Variants in NOL3 observed in about 807,000 individuals in gnomAD.
NOL3 encodes muscle-enriched cytoplasmic protein.
Under a neutral mutation model 19.2 loss-of-function variants are expected in NOL3, and 18 were observed. The observed-to-expected ratio is 0.94, with a 90% CI of 0.65 to 1.39. The LOEUF is 1.39. Among genes scored for constraint, NOL3 ranks in the 40% most tolerant of loss-of-function variants. The pLI is 0.00. For synonymous variants in NOL3, 127 were observed against 137.3 expected, an observed-to-expected ratio of 0.93 and a Z score of 0.52; for missense variants, 290 against 289.5, an observed-to-expected ratio of 1.00 and a Z score of -0.01.
chr16:67,175,478 C>A, exon 4 of NOL3: 1 of 402,578 alleles, frequency 2.5e-6, no homozygotes, highest in Non-Finnish European at 3.5e-6. Context: ...CTGAGCTGAA[C>A]ATGGAGCAAG....
intron 1 of NOL3, among the ~76,000 whole-genome samples, chr16:67,172,608 CAAAA>C (rs5817617): frequency 8.3e-6 from 1 of 120,192 alleles, no homozygotes. Context: ...GAGACTCTGT[CAAAA>C]AAAAAAAAAA....
At chr16:67,174,026 C>G in intron 1 of NOL3, 136 bp from the exon 2 acceptor site, 1 of 1,548,200 alleles carries the variant, frequency 6.5e-7, no homozygotes, top group Non-Finnish European at 8.7e-7. Context: ...CTTGCGGAGC[C>G]GTCCGGCGGC....
exon 4 of NOL3, chr16:67,175,328 C>G: frequency 7.5e-7 from 1 of 1,341,428 alleles, no homozygotes; most frequent in Non-Finnish European, 9.5e-7. Flanking sequence ...CCTTAGGAGT[C>G]CAGGCTGCAC....
Position 67,172,626 on chromosome 16 carries a change from A to G in NOL3, c.-8-1536A>G, listed in dbSNP as rs1567673586. The G allele has an allele frequency of 2.1e-5, 3 of 142,606 alleles. No individual in the cohort carries two copies. The South Asian group carries it at 6.7e-4, about 32-fold the overall frequency. 8.8% of individuals were successfully genotyped at this position (142,606 alleles called of 1,614,324 possible). On this transcript the variant is annotated intron_variant, in intron 1 of 3. Coordinates refer to ENST00000268605, the Ensembl canonical transcript of NOL3. ...ACTCTGTCAAAAAAAAAAAAAAAAA[A>G]TGGATAAAGCAGATTGACTCTCCCT...
At chr16:67,175,461 C>A in exon 4 of NOL3, 1 of 558,070 alleles carries the variant, frequency 1.8e-6, no homozygotes, top group Non-Finnish European at 2.4e-6. Context: ...CAACCCCACG[C>A]AAGTTCCTGA....
chr16:67,174,186 A>T, exon 2 of NOL3: 1 of 1,610,720 alleles, frequency 6.2e-7, no homozygotes. Flanking sequence ...AACGCGCAGG[A>T]GCGGCCGTCA....
At chr16:67,174,065 C>T (rs1197446414) in intron 1 of NOL3, 97 bp from the exon 2 acceptor site, 1 of 1,577,934 alleles carries the variant, frequency 6.3e-7, no homozygotes. Context: ...AAACCCCAGC[C>T]TGGGTGTTCA....
Position 67,175,021 on chromosome 16 carries a change from T to C in NOL3, c.620-26T>C, listed in dbSNP as rs201498999. 2.3e-3 allele frequency: 3,740 copies of C among 1,613,812 alleles called. 12 individuals are homozygous for C. The highest frequency in any genetic ancestry group is 4.3e-3 in the Middle Eastern group (26 of 6,058). ...GAAGCGGATGCCGGACCCCACCTCT[T>C]TGACCACTGTTCCCGTCATCTCTAG... is the stretch of plus-strand genomic sequence containing the variant. On this transcript the variant is annotated intron_variant, in intron 3 of 3. Transcript: ENST00000268605.
rs1411614258 is a variant in NOL3 at position 67,170,961 on chromosome 16, AAT to A, written c.-9+389_-9+390del. Among the ~76,000 whole-genome samples, 2 of 152,252 alleles carry A rather than the reference AAT, an allele frequency of 1.3e-5. No individual in the cohort carries two copies. Among genetic ancestry groups the A allele is most frequent in the African/African-American group, 2.4e-5 (1 of 41,476 alleles). ...GTCACCCTCGAAGGACTGGCCGCTAAATAACTTCGGTATTGAGAGCTGTGTGA... is the reference window on the plus strand; with the variant it reads ...GTCACCCTCGAAGGACTGGCCGCTAAAACTTCGGTATTGAGAGCTGTGTGA... On this transcript the variant is annotated intron_variant, in intron 1 of 3. Transcript: ENST00000268605. This position sits in a 1 kb window ranked among gnomAD's most constrained non-coding sequence, Gnocchi z 5.7.
In NOL3 at chr16:67,173,896, G is replaced by A. The variant is rs762701701; in HGVS notation, c.-8-266G>A. 7.8e-6 allele frequency: 12 copies of A among 1,535,844 alleles called. No individual in the cohort carries two copies. The South Asian group carries it at 8.3e-5, about 11-fold the overall frequency. ...GCCAGTCCTGGGAAAGGCAGGGGAG[G>A]AGAGGAGAGCCACGGCTGACGCTTG... On this transcript the variant is annotated intron_variant, in intron 1 of 3. Transcript: ENST00000268605.
At chr16:67,175,051 C>G (rs1417228528) in exon 4 of NOL3, 2 of 1,614,254 alleles carry the variant, frequency 1.2e-6, no homozygotes, top group Admixed American at 3.3e-5. Context: ...CTCTAGATTC[C>G]TGAAGGCCAG....
At chr16:67,172,738 C>T (rs1442521209) in intron 1 of NOL3, 2 of 151,652 alleles carry the variant, frequency 1.3e-5, no homozygotes, top group East Asian at 3.9e-4. Flanking sequence ...AATCCCAGCA[C>T]TTTGGAAGGC....
At chr16:67,174,190 G>A in exon 2 of NOL3, 1 of 1,611,136 alleles carries the variant, frequency 6.2e-7, no homozygotes, top group Non-Finnish European at 8.5e-7. Context: ...CGCAGGAGCG[G>A]CCGTCAGAGA....
In NOL3 at chr16:67,174,437, G is replaced by C; in HGVS notation, c.268G>C (p.Ala90Pro). ...GCGTACCGCGGGCGCGCCGGACCCC[G>C]CTTGGGACTGGCAGCACGTGGGTCC... Residue 90 changes from alanine to proline, a missense_variant, in exon 2 of 4, where the codon GCT (alanine) becomes CCT (proline). Ala to Pro is a conservative substitution (Grantham distance 27, BLOSUM62 -1). Transcript: ENST00000268605. The C allele has an allele frequency of 3.3e-6, 5 of 1,514,514 alleles. No individual in the cohort carries two copies. In the South Asian group the frequency reaches 6.3e-5, roughly 19 times the overall value. The allele number at this position is 1,514,514 out of a possible 1,614,324, so 93.8% of individuals were successfully genotyped here.
exon 4 of NOL3, chr16:67,175,057 G>C (rs1178345050): frequency 6.2e-7 from 1 of 1,614,258 alleles, no homozygotes; most frequent in African/African-American, 1.3e-5. Context: ...ATTCCTGAAG[G>C]CCAGAGCTCT....
intron 1 of NOL3, chr16:67,172,691 GCATGGTGGTTCA>G (rs1199500621): frequency 1.3e-5 from 2 of 151,666 alleles, no homozygotes; most frequent in East Asian, 1.9e-4. Context: ...CAAGAGCCAG[GCATGGTGGTTCA>G]CATGGTGGTT....
At chr16:67,174,781 G>A in exon 3 of NOL3, 1 of 1,606,768 alleles carries the variant, frequency 6.2e-7, no homozygotes, top group African/African-American at 1.3e-5. Flanking sequence ...CCCCGGAGGA[G>A]CCAGAGCCAG....
chr16:67,174,971 G>A (rs781098219), intron 3 of NOL3, 27 bp downstream of exon 3: 14 of 1,608,980 alleles, frequency 8.7e-6, no homozygotes, highest in Admixed American at 6.7e-5. Context: ...ACCCTGAGCC[G>A]GCTTGGCGGG....
intron 3 of NOL3, 24 bp from the exon 4 acceptor site, chr16:67,175,023 G>C: frequency 6.2e-7 from 1 of 1,613,828 alleles, no homozygotes; most frequent in Non-Finnish European, 8.5e-7. Flanking sequence ...CCACCTCTTT[G>C]ACCACTGTTC....
Sources: allele counts gnomAD v4.1 joint callset (sites outside exome capture counted in the v4.1 genomes callset), GRCh38; gene constraint gnomAD v4.1.1; non-coding constraint Gnocchi (gnomAD v3.1); transcripts MANE v1.5; gene names NCBI Gene and HGNC (gene_info 2026-07-23, HGNC 2026-07-21).